KLF17: variants seen among roughly 807,000 people sequenced by gnomAD.
KLF17 encodes the protein Krueppel-like factor 17.
In KLF17, 31 loss-of-function variants were observed where a neutral mutation model predicts 34.2. That is an observed-to-expected ratio of 0.91 (90% CI 0.68 to 1.22). The LOEUF is 1.22. KLF17 is among the 50% of genes most tolerant of loss of function. The pLI is 0.00. For synonymous variants in KLF17, 179 were observed against 186.7 expected (o/e 0.96, Z 0.34); for missense variants, 478 against 505.2 (o/e 0.95, Z 0.52).
chr1:44,099,829 G>GAAAGAAAGAAAGAAAGA, the KLF17 span, among the ~76,000 whole-genome samples: 1 of 6,828 alleles, frequency 1.5e-4, no homozygotes, highest in African/African-American at 1.1e-3. Context: ...AGAAAAAGAA[G>GAAAGAAAGAAAGAAAGA]AAAGAAAGAA....
At chr1:44,124,823 C>T (rs2087990359) in intron 1 of KLF17, among the ~76,000 whole-genome samples, 1 of 151,966 alleles carries the variant, frequency 6.6e-6, no homozygotes, top group South Asian at 2.1e-4. Flanking sequence ...CTAGCTATGT[C>T]CTTTGTGGTT....
chr1:44,132,125 G>T (rs1387945931), intron 3 of KLF17, among the ~76,000 whole-genome samples: 1 of 152,050 alleles, frequency 6.6e-6, no homozygotes, highest in Non-Finnish European at 1.5e-5. Context: ...GGCTAATATG[G>T]TGAAACCCTG....
intron 1 of KLF17, among the ~76,000 whole-genome samples, chr1:44,127,164 C>A (rs1386396402): frequency 6.6e-6 from 1 of 151,688 alleles, no homozygotes; most frequent in African/African-American, 2.4e-5. Flanking sequence ...CCACCTGGGC[C>A]TCCCAAAGAG....
chr1:44,078,672 A>G, the KLF17 span, among the ~76,000 whole-genome samples: 5 of 152,188 alleles, frequency 3.3e-5, no homozygotes, highest in South Asian at 8.3e-4. Flanking sequence ...TCCTGACCTC[A>G]TGATCTGCCC....
chr1:44,089,728 G>A, the KLF17 span, among the ~76,000 whole-genome samples: 2 of 152,252 alleles, frequency 1.3e-5, no homozygotes, highest in East Asian at 1.9e-4. Context: ...AATCGGAATC[G>A]CTTCATATCC....
chr1:44,045,938 C>T, the KLF17 span: 9 of 152,082 alleles, frequency 5.9e-5, 1 homozygote, highest in Admixed American at 5.9e-4. Context: ...AATGTTGTCA[C>T]TAGGTAGTGT....
At chr1:44,091,887 G>T in the KLF17 span, among the ~76,000 whole-genome samples, 3 of 148,360 alleles carry the variant, frequency 2.0e-5, no homozygotes, top group African/African-American at 7.5e-5. Flanking sequence ...CCCCAGCCTG[G>T]GGGGTGAGAG....
At chr1:44,093,913 G>A in the KLF17 span, among the ~76,000 whole-genome samples, 1 of 152,222 alleles carries the variant, frequency 6.6e-6, no homozygotes, top group Non-Finnish European at 1.5e-5. Flanking sequence ...TTCTTCAGAA[G>A]TAAAAAGAGT....
chr1:44,093,449 C>T, the KLF17 span, among the ~76,000 whole-genome samples: 5 of 152,154 alleles, frequency 3.3e-5, no homozygotes, highest in African/African-American at 7.2e-5. Flanking sequence ...AGCTGGAGTG[C>T]AGTGGTGCGA....
At chr1:44,127,655 TTTC>T (rs1491206535) in intron 1 of KLF17, among the ~76,000 whole-genome samples, 1 of 51,110 alleles carries the variant, frequency 2.0e-5, no homozygotes, top group Admixed American at 2.1e-4. Flanking sequence ...TCTTTCTTTC[TTTC>T]TTTCTTTCTT....
At chr1:44,082,590 G>A in the KLF17 span, among the ~76,000 whole-genome samples, 13 of 152,274 alleles carry the variant, frequency 8.5e-5, no homozygotes, top group Middle Eastern at 3.4e-3. Flanking sequence ...CTCAGAGATA[G>A]GAAGTTTCTT....
the KLF17 span, among the ~76,000 whole-genome samples, chr1:44,064,804 A>G: frequency 6.6e-6 from 1 of 152,216 alleles, no homozygotes; most frequent in Non-Finnish European, 1.5e-5. Flanking sequence ...TGAGGTATAC[A>G]TGTATATTTA....
the KLF17 span, among the ~76,000 whole-genome samples, chr1:44,050,204 A>C: frequency 6.6e-6 from 1 of 152,238 alleles, no homozygotes; most frequent in Non-Finnish European, 1.5e-5. Flanking sequence ...AGAAATTGGC[A>C]ACTTTTACAA....
In KLF17 at chr1:44,129,910, C is replaced by T. The variant is rs535694508; in HGVS notation, c.639C>T (p.Pro213=). 1.2e-5 allele frequency: 19 copies of T among 1,614,188 alleles called. No individual in the cohort carries two copies. In the African/African-American group the frequency reaches 2.5e-4, roughly 22 times the overall value. Residue 213 remains proline, a synonymous_variant, in exon 2 of 4, where the codon CCC becomes CCT. Transcript: ENST00000372299. The part of the protein sequence containing the change: ...AVLPSMAQML[P]PQDAHDLGMP... Reference sequence around the variant, plus strand: ...TCCCCTCCATGGCTCAGATGTTGCCCCCGCAAGATGCCCATGACCTTGGGA... The same window carrying T: ...TCCCCTCCATGGCTCAGATGTTGCCTCCGCAAGATGCCCATGACCTTGGGA...
Position 44,127,360 on chromosome 1 carries a change from TC to T in KLF17, c.82-1990del, listed in dbSNP as rs2088021239. On this transcript the variant is annotated intron_variant, in intron 1 of 3. Transcript: ENST00000372299. ...TCAAGAAATAGAAGCCCGTCCAGTG[TC>T]CCTTTCTTATCTTTCCCCATTCCCT... Among the ~76,000 whole-genome samples, 5 of 152,134 alleles carry T rather than the reference TC, an allele frequency of 3.3e-5. No homozygotes were observed. In the South Asian group the frequency reaches 1.0e-3, roughly 32 times the overall value.
chr1:44,129,421 T>G lies in KLF17; in HGVS notation c.150T>G (p.Ser50=), dbSNP rs749367166. The G allele has an allele frequency of 6.3e-7, 1 of 1,575,682 alleles. No homozygotes were observed. The highest frequency in any genetic ancestry group is 1.2e-5 in the South Asian group (1 of 84,642). Residue 50 remains serine (S), a synonymous_variant, in exon 2 of 4, where the codon TCT becomes TCG. Coordinates refer to ENST00000372299, the MANE Select transcript of KLF17 (RefSeq NM_173484.4). ...CTGGAAGCTCTGGAGTGCACACCTC[T>G]TGGAACCAAGGCCTACCAAGCATTC... is the stretch of plus-strand genomic sequence containing the variant. ...SSSGSSGVHT[S]WNQGLPSIQH...
the KLF17 span, among the ~76,000 whole-genome samples, chr1:44,099,588 C>T: frequency 6.7e-6 from 1 of 148,846 alleles, no homozygotes; most frequent in Admixed American, 6.7e-5. Context: ...GCGGGTGAAT[C>T]AGGATTCAGG....
chr1:44,064,470 C>G, the KLF17 span, among the ~76,000 whole-genome samples: 2 of 152,196 alleles, frequency 1.3e-5, no homozygotes, highest in African/African-American at 2.4e-5. Flanking sequence ...TAGGGATGCA[C>G]TAAAGCTTAG....
chr1:44,094,970 G>A, the KLF17 span, among the ~76,000 whole-genome samples: 24 of 141,524 alleles, frequency 1.7e-4, no homozygotes, highest in Admixed American at 1.4e-3. Flanking sequence ...GTGTGATCTC[G>A]GCTCACTGCA....
Sources: gnomAD v4.1 joint callset for allele counts (sites outside exome capture counted in the v4.1 genomes callset) on GRCh38, gnomAD v4.1.1 for gene constraint, MANE v1.5 for transcripts, NCBI Gene and HGNC (gene_info 2026-07-23, HGNC 2026-07-21) for gene names.